The following ABHD17C variants were observed in gnomAD, a reference collection of about 807,000 sequenced individuals.
The protein encoded by ABHD17C is alpha/beta hydrolase domain-containing protein 17C.
ABHD17C carries 11 observed loss-of-function variants against 27.9 expected under a neutral mutation model. The observed-to-expected ratio is 0.39, with a 90% CI of 0.25 to 0.65. The LOEUF (loss-of-function observed/expected upper bound fraction) is 0.65, where lower values mean the gene tolerates loss of function less well. Ranked by LOEUF, ABHD17C falls within the 30% of genes least tolerant of loss-of-function variation. The pLI, the probability that ABHD17C is intolerant of heterozygous loss-of-function variation, is 0.45. For missense variants in ABHD17C, 280 were observed against 470.2 expected, an observed-to-expected ratio of 0.60 and a Z score of 3.74; for synonymous variants, 233 against 209.1, an observed-to-expected ratio of 1.11 and a Z score of -0.98.
intron 1 of ABHD17C, among the ~76,000 whole-genome samples, chr15:80,716,233 G>T (rs1261370921): frequency 6.6e-6 from 1 of 152,154 alleles, no homozygotes; most frequent in East Asian, 1.9e-4. Context: ...CTGGAGATGT[G>T]CGTACTCCAG....
intron 1 of ABHD17C, among the ~76,000 whole-genome samples, chr15:80,696,738 T>C (rs905776572): frequency 2.0e-5 from 3 of 152,174 alleles, no homozygotes; most frequent in African/African-American, 7.2e-5. Context: ...TGAAAAGTGT[T>C]TAGGGTGGGC....
intron 1 of ABHD17C, among the ~76,000 whole-genome samples, chr15:80,711,725 T>C (rs186966842): frequency 6.6e-6 from 1 of 152,316 alleles, no homozygotes; most frequent in East Asian, 1.9e-4. Context: ...ATGGGACCAG[T>C]TTCTTGGGGA....
At chr15:80,713,899 A>G (rs1894765365) in intron 1 of ABHD17C, among the ~76,000 whole-genome samples, 1 of 79,312 alleles carries the variant, frequency 1.3e-5, no homozygotes, top group Non-Finnish European at 2.5e-5. Flanking sequence ...CCATATACAG[A>G]CCACACACAC....
At chr15:80,718,821 G>A (rs1192338215) in intron 1 of ABHD17C, among the ~76,000 whole-genome samples, 1 of 152,152 alleles carries the variant, frequency 6.6e-6, no homozygotes, top group East Asian at 1.9e-4. Flanking sequence ...GAAGAGACAC[G>A]GTTGATTTAT....
intron 1 of ABHD17C, among the ~76,000 whole-genome samples, chr15:80,738,881 A>AT (rs1348638141): frequency 6.6e-6 from 1 of 152,226 alleles, no homozygotes; most frequent in African/African-American, 2.4e-5. Flanking sequence ...TTTAACAAAT[A>AT]TTTATCATAT....
chr15:80,735,732 G>A (rs983744467), intron 1 of ABHD17C, among the ~76,000 whole-genome samples: 4 of 152,048 alleles, frequency 2.6e-5, no homozygotes, highest in Non-Finnish European at 4.4e-5. Flanking sequence ...AGCTTTTTCC[G>A]ACTTTCAGGT....
chr15:80,700,172 G>T lies in ABHD17C; in HGVS notation c.590+4153G>T, dbSNP rs535629688. 1.6e-3 allele frequency among the ~76,000 whole-genome samples: 245 copies of T among 152,342 alleles called. 8 individuals carry two copies. In the South Asian group the frequency reaches 0.05, roughly 31 times the overall value. On this transcript the variant is annotated intron_variant, in intron 1 of 2. Coordinates refer to ENST00000258884, the MANE Select transcript of ABHD17C (RefSeq NM_021214.2). ...CATCCTTCCAGGGGATCCTCTTAGG[G>T]CTGAACAGTTTTAGACTGTGTGTGC...
intron 1 of ABHD17C, among the ~76,000 whole-genome samples, chr15:80,711,982 G>A (rs925235877): frequency 2.6e-5 from 4 of 152,158 alleles, no homozygotes; most frequent in Non-Finnish European, 5.9e-5. Flanking sequence ...CTCTTAACCT[G>A]CTTTTCTGCA....
At position 80,754,129 on chromosome 15, in the gene ABHD17C, C is replaced by T; in HGVS notation, c.771-22C>T. 2.5e-6 allele frequency: 4 copies of T among 1,586,000 alleles called. No individual in the cohort carries two copies. The Middle Eastern group carries it at 6.7e-4, about 266-fold the overall frequency. On this transcript the variant is annotated intron_variant, in intron 2 of 2. Coordinates refer to ENST00000258884, the MANE Select transcript of ABHD17C (RefSeq NM_021214.2). The stretch of plus-strand genomic sequence containing the variant: ...ATAACTAATGGAGTCCTCTTTCTGC[C>T]TCCCCCCTTTCTGTTTTGCAGCATT...
intron 1 of ABHD17C, among the ~76,000 whole-genome samples, chr15:80,698,356 G>A (rs1443433046): frequency 2.0e-5 from 3 of 151,952 alleles, no homozygotes; most frequent in African/African-American, 7.3e-5. Flanking sequence ...GAGCCACCGC[G>A]CCTGGCCTAT....
Position 80,695,675 on chromosome 15 carries a change from G to A in ABHD17C, c.246G>A (p.Ala82=). 6.9e-7 allele frequency: 1 copy of A among 1,447,244 alleles called. No homozygotes were observed. The highest frequency in any genetic ancestry group is 9.0e-7 in the Non-Finnish European group (1 of 1,109,986). 89.7% of individuals were successfully genotyped at this position (1,447,244 alleles called of 1,614,324 possible). ...AGCAGCCCGAGGAGGGCGCGGGCGC[G>A]GGGCCCGGTGCGTGCAGCCTGCACC... The part of the protein sequence containing the change: ...APQQPEEGAG[A]GPGACSLHLS... Residue 82 remains alanine (A), a synonymous_variant, in exon 1 of 3, where the codon GCG becomes GCA. Transcript: ENST00000258884. The surrounding 1 kb of genome is among the most constrained non-coding windows in gnomAD (Gnocchi z 4.3).
intron 1 of ABHD17C, among the ~76,000 whole-genome samples, chr15:80,729,563 A>G (rs1188401058): frequency 6.6e-6 from 1 of 152,064 alleles, no homozygotes; most frequent in Non-Finnish European, 1.5e-5. Context: ...TTTTGGGTGA[A>G]AAAAAACAGT....
intron 1 of ABHD17C, among the ~76,000 whole-genome samples, chr15:80,714,247 C>T (rs931967896): frequency 1.3e-5 from 2 of 152,366 alleles, no homozygotes; most frequent in Admixed American, 6.5e-5. Context: ...TGAGCCATCA[C>T]GCCCAGCCTG....
At chr15:80,713,573 G>T (rs187834469) in intron 1 of ABHD17C, among the ~76,000 whole-genome samples, 3 of 151,828 alleles carry the variant, frequency 2.0e-5, no homozygotes, top group African/African-American at 4.8e-5. Flanking sequence ...ACTTTGGGAG[G>T]CCAAGGTGGG....
At position 80,750,331 on chromosome 15, in the gene ABHD17C, C is replaced by T. The variant is rs115056596; in HGVS notation, c.770+639C>T. Among the ~76,000 whole-genome samples the T allele has an allele frequency of 3.6e-3, 550 of 152,316 alleles. 5 individuals carry two copies. The highest frequency in any genetic ancestry group is 0.013 in the African/African-American group (531 of 41,568). On this transcript the variant is annotated intron_variant, in intron 2 of 2. Coordinates refer to ENST00000258884, the MANE Select transcript of ABHD17C (RefSeq NM_021214.2). ...TGCTCTACCACTTTGACCGGAAGAT[C>T]TCACCCCTGCAGAGGTGCCTGCATG... is the stretch of plus-strand genomic sequence containing the variant.
At chr15:80,717,746 T>C (rs147380994) in intron 1 of ABHD17C, among the ~76,000 whole-genome samples, 159 of 152,336 alleles carry the variant, frequency 1.0e-3, no homozygotes, top group African/African-American at 3.6e-3. Context: ...TTTTTAAAAA[T>C]TGGAACCATT....
chr15:80,745,864 A>G (rs1217312311), intron 1 of ABHD17C, among the ~76,000 whole-genome samples: 5 of 152,328 alleles, frequency 3.3e-5, no homozygotes, highest in Admixed American at 3.3e-4. Context: ...TCTGCTGTTG[A>G]TATACCTTAG....
rs139117759 is a variant in ABHD17C, at chr15:80,709,566, A to G, written c.590+13547A>G. 3.6e-4 allele frequency among the ~76,000 whole-genome samples: 55 copies of G among 151,694 alleles called. No homozygotes were observed. In the East Asian group the frequency reaches 0.01, roughly 28 times the overall value. On this transcript the variant is annotated intron_variant, in intron 1 of 2. Coordinates refer to ENST00000258884, the MANE Select transcript of ABHD17C (RefSeq NM_021214.2). ...GTTGGCCTCCAGGATATAGTTGCAT[A>G]CTCCTCGAAGACTCGCACATCTGGA... is the stretch of plus-strand genomic sequence containing the variant.
intron 1 of ABHD17C, among the ~76,000 whole-genome samples, chr15:80,743,346 G>C (rs540344553): frequency 6.6e-6 from 1 of 152,070 alleles, no homozygotes; most frequent in Non-Finnish European, 1.5e-5. Context: ...ACCCACTACC[G>C]GCTGTGTATG....
Sources: allele counts gnomAD v4.1 joint callset (sites outside exome capture counted in the v4.1 genomes callset), GRCh38; gene constraint gnomAD v4.1.1; non-coding constraint Gnocchi (gnomAD v3.1); transcripts MANE v1.5; gene names NCBI Gene and HGNC (gene_info 2026-07-23, HGNC 2026-07-21).